The following MTUS1 variants were observed in gnomAD, a reference collection of about 807,000 sequenced individuals.
The protein encoded by MTUS1 is microtubule associated scaffold protein 1.
In MTUS1, 109 loss-of-function variants were observed where a neutral mutation model predicts 120.8. That is an observed-to-expected ratio of 0.90 (90% confidence interval 0.77 to 1.06). The LOEUF is 1.06. Among genes scored for constraint, MTUS1 ranks in the 50% least tolerant of loss-of-function variants. The probability of loss-of-function intolerance (pLI) is 0.00; values close to 1 mark genes in which losing one functional copy is unlikely to be tolerated. For synonymous variants in MTUS1, 737 were observed against 550.5 expected (o/e 1.34, Z -4.74); for missense variants, 2,210 against 1,486.3 (o/e 1.49, Z -8.01).
At chr8:17,714,894 C>CCT (rs1822017028) in intron 5 of MTUS1, among the ~76,000 whole-genome samples, 1 of 55,174 alleles carries the variant, frequency 1.8e-5, no homozygotes, top group Non-Finnish European at 3.3e-5. Context: ...ACAAATAATG[C>CCT]TTTTTTTTTT....
At chr8:17,713,095 C>T (rs905005292) in intron 6 of MTUS1, 119 bp downstream of exon 6, 1 of 817,360 alleles carries the variant, frequency 1.2e-6, no homozygotes, top group South Asian at 1.5e-5. Context: ...GTTAGGTTTA[C>T]ACCTCAAATT....
intron 4 of MTUS1, chr8:17,722,600 G>C: frequency 1.6e-5 from 16 of 984,422 alleles, no homozygotes; most frequent in Non-Finnish European, 1.9e-5. Context: ...GCTGCTAGGT[G>C]ACCCGTCGGA....
intron 1 of MTUS1, among the ~76,000 whole-genome samples, chr8:17,772,256 A>T (rs2050076070): frequency 6.6e-6 from 1 of 152,216 alleles, no homozygotes; most frequent in Non-Finnish European, 1.5e-5. Context: ...AACTAGACAC[A>T]CATGTACAAA....
At chr8:17,735,187 T>G (rs112289493) in intron 3 of MTUS1, among the ~76,000 whole-genome samples, 2 of 152,166 alleles carry the variant, frequency 1.3e-5, no homozygotes, top group African/African-American at 2.4e-5. Flanking sequence ...TGCTTCCCAG[T>G]CTGTAGCCTC....
At chr8:17,695,551 C>G (rs753760804) in intron 6 of MTUS1, among the ~76,000 whole-genome samples, 2 of 152,154 alleles carry the variant, frequency 1.3e-5, no homozygotes, top group Non-Finnish European at 2.9e-5. Context: ...CAACTAAACC[C>G]TGGTAATAGA....
chr8:17,784,568 T>C (rs2051145146), intron 1 of MTUS1, among the ~76,000 whole-genome samples: 1 of 152,128 alleles, frequency 6.6e-6, no homozygotes, highest in Non-Finnish European at 1.5e-5. Context: ...GTATTGGGAT[T>C]ACAGGCATGA....
intron 1 of MTUS1, among the ~76,000 whole-genome samples, chr8:17,798,996 T>A (rs556153447): frequency 6.8e-6 from 1 of 146,096 alleles, no homozygotes; most frequent in African/African-American, 2.5e-5. Flanking sequence ...AAAGCACTGT[T>A]CACCTATAAA....
At chr8:17,713,940 G>C (rs1821826284) in intron 5 of MTUS1, among the ~76,000 whole-genome samples, 3 of 152,160 alleles carry the variant, frequency 2.0e-5, no homozygotes, top group Admixed American at 2.0e-4. Flanking sequence ...AAACTGTTGC[G>C]ACATAACCTA....
At chr8:17,646,737 C>T (rs1422902750) in intron 14 of MTUS1, among the ~76,000 whole-genome samples, 2 of 152,154 alleles carry the variant, frequency 1.3e-5, no homozygotes, top group East Asian at 3.8e-4. Context: ...TGAAAGCATT[C>T]TCAGAGGCAG....
intron 1 of MTUS1, among the ~76,000 whole-genome samples, chr8:17,777,643 G>C (rs969917563): frequency 2.0e-5 from 3 of 152,112 alleles, no homozygotes; most frequent in African/African-American, 7.2e-5. Flanking sequence ...TTGCCTCACT[G>C]ACTTGGTTCC....
At chr8:17,670,822 T>TAAAAAAAAAA (rs540891587) in intron 8 of MTUS1, among the ~76,000 whole-genome samples, 2,244 of 148,860 alleles carry the variant, frequency 0.015, 64 homozygotes, top group African/African-American at 0.052. Flanking sequence ...ACCCTGTCTT[T>TAAAAAAAAAA]AAAAAAAAAA....
At chr8:17,757,713 G>T (rs2092456577) in intron 1 of MTUS1, among the ~76,000 whole-genome samples, 1 of 152,114 alleles carries the variant, frequency 6.6e-6, no homozygotes. Flanking sequence ...TTTTAGTAGA[G>T]ACAGGGTTTC....
chr8:17,776,429 C>T (rs1045780897), intron 1 of MTUS1, among the ~76,000 whole-genome samples: 1 of 152,020 alleles, frequency 6.6e-6, no homozygotes, highest in Non-Finnish European at 1.5e-5. Context: ...GGCCTGTAAT[C>T]CCAGCATTTT....
chr8:17,779,547 T>G (rs528429123), intron 1 of MTUS1, among the ~76,000 whole-genome samples: 1 of 152,370 alleles, frequency 6.6e-6, no homozygotes, highest in Admixed American at 6.5e-5. Flanking sequence ...CTGAAGCTTA[T>G]CAACGTTTCT....
At chr8:17,646,217 A>C in intron 14 of MTUS1, 78 bp from the exon 15 acceptor site, 1 of 1,392,612 alleles carries the variant, frequency 7.2e-7, no homozygotes, top group Admixed American at 2.8e-5. Flanking sequence ...AGCGTTTGAA[A>C]CTTTAAAGTC....
At chr8:17,703,665 T>G (rs1819568174) in intron 6 of MTUS1, among the ~76,000 whole-genome samples, 1 of 149,354 alleles carries the variant, frequency 6.7e-6, no homozygotes, top group Admixed American at 6.7e-5. Context: ...AGATACGCCC[T>G]GGTCTCCTAG....
At chr8:17,676,592 A>T in intron 7 of MTUS1, 2 of 545,732 alleles carry the variant, frequency 3.7e-6, no homozygotes, top group Non-Finnish European at 6.5e-6. Flanking sequence ...TTTATGAAAA[A>T]CGAGAGGCAG....
intron 3 of MTUS1, among the ~76,000 whole-genome samples, chr8:17,742,271 TTTTTTTTTTTGTTGTTGTTG>T (rs1310346237): frequency 1.1e-4 from 13 of 122,346 alleles, no homozygotes; most frequent in African/African-American, 4.4e-4. Flanking sequence ...GCCCAGCTGT[TTTTTTTTTTTGTTGTTGTTG>T]TTTTTTTTTT....
intron 8 of MTUS1, among the ~76,000 whole-genome samples, chr8:17,666,410 A>G (rs1208330423): frequency 6.6e-6 from 1 of 152,156 alleles, no homozygotes; most frequent in African/African-American, 2.4e-5. Flanking sequence ...GTAAAATTTA[A>G]AAGCTTATTT....
Sources: allele counts gnomAD v4.1 joint callset (sites outside exome capture counted in the v4.1 genomes callset), GRCh38; gene constraint gnomAD v4.1.1; transcripts MANE v1.5; gene names NCBI Gene and HGNC (gene_info 2026-07-23, HGNC 2026-07-21).